BRWD1: variants seen among roughly 807,000 people sequenced by gnomAD.
The protein encoded by BRWD1 is bromodomain and WD repeat domain containing 1.
A neutral mutation model predicts 251.2 loss-of-function variants in BRWD1; 82 were observed. The observed-to-expected ratio is 0.33, with a 90% confidence interval of 0.27 to 0.39. The LOEUF is 0.39. Among genes scored for constraint, BRWD1 ranks in the 10% least tolerant of loss-of-function variants. BRWD1 has a pLI of 1.00. For missense variants in BRWD1, 2,233 were observed against 2,711.6 expected (o/e 0.82, Z 3.92); for synonymous variants, 918 against 902.8 (o/e 1.02, Z -0.30).
Position 39,235,757 on chromosome 21 carries a change from C to A in BRWD1, c.2766+838G>T. ...ATGCTACTTTTCGATCTATGACAGT[C>A]ACATGAGCACCCAGCAGGGCAGCCA... On this transcript the variant is annotated intron_variant, in intron 23 of 40. Transcript: ENST00000342449. The A allele has an allele frequency of 1.7e-5, 3 of 179,532 alleles. No individual in the cohort carries two copies. The South Asian group carries it at 3.8e-4, about 23-fold the overall frequency. 11.1% of individuals were successfully genotyped at this position (179,532 alleles called of 1,614,324 possible). A position where few individuals can be genotyped will look rare whatever the true frequency, so the allele number is the denominator to read the frequency against.
At chr21:39,217,018 TATATATATATATATATAA>T (rs2032930282) in intron 31 of BRWD1, 1 of 20,800 alleles carries the variant, frequency 4.8e-5, no homozygotes, top group African/African-American at 1.8e-4. Flanking sequence ...CAAATATATA[TATATATATATATATATAA>T]ATATATATAT....
intron 4 of BRWD1, among the ~76,000 whole-genome samples, chr21:39,303,521 A>G (rs914469819): frequency 4.1e-5 from 1 of 24,476 alleles, no homozygotes; most frequent in Non-Finnish European, 7.7e-5. Context: ...TCCATCTCCA[A>G]AAAAAAAAAA....
At chr21:39,313,832 A>G (rs914811082), upstream of BRWD1, 2 of 342,318 alleles carry the variant, frequency 5.8e-6, no homozygotes, top group Non-Finnish European at 1.1e-5. Flanking sequence ...GCGCCGCAGC[A>G]GCGAGTGGGG....
chr21:39,212,819 G>T lies in BRWD1; in HGVS notation c.3859-112C>A, dbSNP rs1210943182. On this transcript the variant is annotated intron_variant, in intron 33 of 40. Transcript: ENST00000342449. The stretch of plus-strand genomic sequence containing the variant: ...TTTGGTATTACCAGAGTTATAACAT[G>T]TTATTATCAAAATCTCCAAAGAAAG... 3 of 691,566 alleles carry T rather than the reference G, an allele frequency of 4.3e-6. No individual in the cohort carries two copies. The East Asian group carries it at 9.4e-5, about 22-fold the overall frequency. 42.8% of individuals were successfully genotyped at this position (691,566 alleles called of 1,614,324 possible).
intron 17 of BRWD1, among the ~76,000 whole-genome samples, chr21:39,262,407 A>C (rs762704883): frequency 2.0e-5 from 3 of 152,210 alleles, no homozygotes; most frequent in Admixed American, 6.5e-5. Context: ...TAAGTCAAAG[A>C]AGCCAGACAC....
intron 8 of BRWD1, among the ~76,000 whole-genome samples, chr21:39,282,730 G>C (rs1236704231): frequency 6.6e-6 from 1 of 152,106 alleles, no homozygotes; most frequent in Non-Finnish European, 1.5e-5. Flanking sequence ...GGCCAAGGCA[G>C]GTGGATCACC....
At chr21:39,230,802 G>C (rs545192678) in intron 25 of BRWD1, among the ~76,000 whole-genome samples, 22 of 150,186 alleles carry the variant, frequency 1.5e-4, no homozygotes, top group African/African-American at 5.1e-4. Flanking sequence ...TGCAGTGCGA[G>C]AGCTTAAAAA....
rs765644477 is a variant in BRWD1 at position 39,276,223 on chromosome 21, G to T, written c.1105-10C>A. 2.5e-6 allele frequency: 4 copies of T among 1,591,718 alleles called. No individual in the cohort carries two copies. The East Asian group carries it at 9.0e-5, about 36-fold the overall frequency. On this transcript the variant is annotated splice_polypyrimidine_tract_variant and intron_variant, in intron 11 of 40. Coordinates refer to ENST00000342449, the MANE Select transcript of BRWD1 (RefSeq NM_033656.4). ...TACTATCTACTTTATCCTAAAGGGG[G>T]GAAAAGGACAAATACAAAAATGATC...
chr21:39,259,993 T>G (rs1568925600), intron 17 of BRWD1, among the ~76,000 whole-genome samples: 1 of 152,212 alleles, frequency 6.6e-6, no homozygotes, highest in Non-Finnish European at 1.5e-5. Context: ...ATTTCCATCC[T>G]GCTACCTGAG....
intron 21 of BRWD1, among the ~76,000 whole-genome samples, chr21:39,244,921 A>AATATATATAT (rs56801824): frequency 0.027 from 3,079 of 112,416 alleles, 174 homozygotes; most frequent in Non-Finnish European, 0.038. Context: ...CTTTGGAAGA[A>AATATATATAT]ATATATATAT....
chr21:39,267,938 A>G (rs1050056078), intron 15 of BRWD1, among the ~76,000 whole-genome samples: 2 of 152,218 alleles, frequency 1.3e-5, no homozygotes, highest in Non-Finnish European at 2.9e-5. Context: ...ATAAGATTAC[A>G]AAACTATGTG....
In BRWD1 at chr21:39,189,565, T is replaced by C. The variant is rs374188646; in HGVS notation, c.*6694A>G. On this transcript the variant is annotated 3_prime_UTR_variant, in exon 41 of 41. Coordinates refer to ENST00000342449, the MANE Select transcript of BRWD1 (RefSeq NM_033656.4). ...TAACTATGCCCAAGGGAGGGAGAAT[T>C]TGAATTACACTGTACTCTAACTTGA... 9.8e-5 allele frequency: 96 copies of C among 984,170 alleles called. No homozygotes were observed. The African/African-American group carries it at 1.3e-3, about 14-fold the overall frequency. The allele number at this position is 984,170 out of a possible 1,614,324, so 61.0% of individuals were successfully genotyped here. A position where few individuals can be genotyped will look rare whatever the true frequency, so the allele number is the denominator to read the frequency against.
intron 13 of BRWD1, among the ~76,000 whole-genome samples, chr21:39,273,180 C>CA (rs1223986515): frequency 9.9e-5 from 15 of 152,184 alleles, no homozygotes; most frequent in African/African-American, 3.6e-4. Context: ...CAAGTTTTGA[C>CA]AGTTTCTATT....
intron 17 of BRWD1, among the ~76,000 whole-genome samples, chr21:39,263,331 CCTG>C (rs530226047): frequency 1.1e-4 from 16 of 152,136 alleles, no homozygotes; most frequent in African/African-American, 3.1e-4. Flanking sequence ...GAAACACTGC[CCTG>C]CTATTAACAC....
intron 16 of BRWD1, 79 bp downstream of exon 16, chr21:39,264,812 A>T: frequency 6.4e-7 from 1 of 1,557,670 alleles, no homozygotes; most frequent in Non-Finnish European, 8.7e-7. Context: ...TGTTTCCAAA[A>T]CATAGCTCAT....
At position 39,258,621 on chromosome 21, in the gene BRWD1, T is replaced by C. The variant is rs745644637; in HGVS notation, c.1937A>G (p.Asp646Gly). 15 of 1,611,544 alleles carry C rather than the reference T, an allele frequency of 9.3e-6. No homozygotes were observed. Among genetic ancestry groups the C allele is most frequent in the Non-Finnish European group, 1.1e-5 (13 of 1,178,610 alleles). ...QIISLQTNDN[D>G]ERSPESSILD... is the part of the protein sequence containing the mutation. ...AATACTCGATTCTGGGCTGCGTTCA[T>C]CATTATCATTGGTTTGCAGGCTTAT... The change falls in exon 18 of 41, where the codon GAT (aspartate) becomes GGT (glycine). Residue 646 changes from aspartate to glycine, a missense_variant. By Grantham distance (94) the Asp-to-Gly change is moderately conservative. This residue lies in a region of BRWD1 where 315 missense variants were observed against 421.8 expected (regional missense o/e 0.75). Coordinates refer to ENST00000342449, the MANE Select transcript of BRWD1 (RefSeq NM_033656.4).
intron 21 of BRWD1, among the ~76,000 whole-genome samples, chr21:39,238,909 A>G (rs1347450677): frequency 6.6e-6 from 1 of 152,146 alleles, no homozygotes; most frequent in Non-Finnish European, 1.5e-5. Context: ...AGATGTATCT[A>G]ATTGTTGTTC....
chr21:39,280,766 C>G (rs1039111985), intron 8 of BRWD1, among the ~76,000 whole-genome samples: 1 of 152,142 alleles, frequency 6.6e-6, no homozygotes, highest in African/African-American at 2.4e-5. Flanking sequence ...GTGCAGTAAT[C>G]TGGAAAAAAA....
rs1342776854 is a variant in BRWD1 at position 39,203,450 on chromosome 21, T to C, written c.4365-905A>G. On this transcript the variant is annotated intron_variant, in intron 37 of 40. Transcript: ENST00000342449. Reference sequence around the variant, plus strand: ...CAAGACCCTGGTTCTTTTTTTTTTTTTTTTTTTTTTTTGAGACAGAGTCTC... The same window carrying C: ...CAAGACCCTGGTTCTTTTTTTTTTTCTTTTTTTTTTTTGAGACAGAGTCTC... Among the ~76,000 whole-genome samples the C allele has an allele frequency of 6.3e-4, 88 of 139,822 alleles. 2 individuals are homozygous for C. The highest frequency in any genetic ancestry group is 2.2e-3 in the African/African-American group (81 of 36,930). 91.7% of individuals were successfully genotyped at this position (139,822 alleles called of 152,430 possible).
Sources: allele counts gnomAD v4.1 joint callset (sites outside exome capture counted in the v4.1 genomes callset), GRCh38; gene constraint gnomAD v4.1.1; regional missense constraint gnomAD v4.1.1; transcripts MANE v1.5; gene names NCBI Gene and HGNC (gene_info 2026-07-23, HGNC 2026-07-21).